Variants in TRIM50 observed in about 807,000 individuals in gnomAD.
TRIM50 encodes the protein E3 ubiquitin-protein ligase TRIM50.
In TRIM50, 34 loss-of-function variants were observed where a neutral mutation model predicts 44.9. That is an observed-to-expected ratio of 0.76 (90% CI 0.58 to 1.01). TRIM50 has a LOEUF of 1.01. TRIM50 is among the 50% of genes least tolerant of loss of function. The pLI is 0.00. For missense variants in TRIM50, 633 were observed against 663.7 expected, an observed-to-expected ratio of 0.95 and a Z score of 0.51; for synonymous variants, 307 against 291.1, an observed-to-expected ratio of 1.05 and a Z score of -0.56.
In TRIM50 at chr7:73,324,701, C is replaced by A; in HGVS notation, c.87G>T (p.Leu29=). The A allele has an allele frequency of 1.9e-6, 3 of 1,614,236 alleles. No individual in the cohort carries two copies. Among genetic ancestry groups the A allele is most frequent in the Non-Finnish European group, 2.5e-6 (3 of 1,180,038 alleles). The stretch of plus-strand genomic sequence containing the variant: ...CCTTGCAGTAAGAGTGGCCACACTG[C>A]AGCATCAGGGGCTCCTTGAAGACCT... ...CLEVFKEPLM[L]QCGHSYCKGC... Residue 29 remains leucine, a synonymous_variant, in exon 2 of 7, where the codon CTG becomes CTT. Transcript: ENST00000333149.
At position 73,313,090 on chromosome 7, in the gene TRIM50, C is replaced by A. The variant is rs782003188; in HGVS notation, c.1295G>T (p.Arg432Leu). The A allele has an allele frequency of 6.3e-7, 1 of 1,591,708 alleles. No individual in the cohort carries two copies. Among genetic ancestry groups the A allele is most frequent in the Non-Finnish European group, 8.5e-7 (1 of 1,169,764 alleles). The change falls in exon 7 of 7, where the codon CGC becomes CTC. Residue 432 changes from arginine to leucine, a missense_variant. By Grantham distance (102) the Arg-to-Leu change is moderately radical. Coordinates refer to ENST00000333149, the MANE Select transcript of TRIM50 (RefSeq NM_178125.3). This position sits in a 1 kb window ranked among gnomAD's most constrained non-coding sequence, Gnocchi z 4.9. ...GTAGAGCGGCCGCAGGTCATCGGGG[C>A]GGTCGGCATCGAAGAAGGTGAGTTC... is the stretch of plus-strand genomic sequence containing the variant. ...QGELTFFDAD[R>L]PDDLRPLYTF...
chr7:73,326,420 T>A (rs1329432392), intron 1 of TRIM50, among the ~76,000 whole-genome samples: 5 of 147,758 alleles, frequency 3.4e-5, no homozygotes, highest in Non-Finnish European at 7.5e-5. Flanking sequence ...TTTTTTTTTT[T>A]AAGATATTCA....
At position 73,327,882 on chromosome 7, in the gene TRIM50, C is replaced by T. The variant is rs191276602; in HGVS notation, c.-19+18G>A. 5.3e-4 allele frequency: 207 copies of T among 388,518 alleles called. No homozygotes were observed. Among genetic ancestry groups the T allele is most frequent in the African/African-American group, 3.0e-3 (145 of 48,704 alleles). The allele number at this position is 388,518 out of a possible 1,614,324, so 24.1% of individuals were successfully genotyped here. A position where few individuals can be genotyped will look rare whatever the true frequency, so the allele number is the denominator to read the frequency against. On this transcript the variant is annotated intron_variant, in intron 1 of 6. Transcript: ENST00000333149. Reference sequence around the variant, plus strand: ...TCGTTAGGTGCCCCATCATTTCCCGCTCGCTCTCGTTACGTACCCAGCCTC... The same window carrying T: ...TCGTTAGGTGCCCCATCATTTCCCGTTCGCTCTCGTTACGTACCCAGCCTC...
At position 73,313,411 on chromosome 7, in the gene TRIM50, C is replaced by T. The variant is rs1554543551; in HGVS notation, c.974G>A (p.Arg325Gln). The T allele has an allele frequency of 1.3e-6, 2 of 1,574,544 alleles. No individual in the cohort carries two copies. The highest frequency in any genetic ancestry group is 2.3e-5 in the East Asian group (1 of 43,002). The change falls in exon 7 of 7, where the codon CGA (arginine) becomes CAA (glutamine). Residue 325 changes from arginine to glutamine, a missense_variant. By Grantham distance (43) the Arg-to-Gln change is conservative. Transcript: ENST00000333149. This position sits in a 1 kb window ranked among gnomAD's most constrained non-coding sequence, Gnocchi z 4.9. ...VVQCGLLAQR[R>Q]ASQPERFDYS... ...GTCGAAGCGCTCAGGCTGGCTGGCT[C>T]GCCGCTGGGCCAGAAGCCCGCACTG...
At chr7:73,326,721 TG>T (rs1435527240) in intron 1 of TRIM50, among the ~76,000 whole-genome samples, 8 of 152,260 alleles carry the variant, frequency 5.3e-5, no homozygotes, top group African/African-American at 1.4e-4. Context: ...TCAATAATAT[TG>T]AATTGTGAGT....
chr7:73,324,563 G>A lies in TRIM50; in HGVS notation c.225C>T (p.Ile75=), dbSNP rs61741334. 38 of 1,614,134 alleles carry A rather than the reference G, an allele frequency of 2.4e-5. No homozygotes were observed. In the African/African-American group the frequency reaches 4.1e-4, roughly 18 times the overall value. Residue 75 remains isoleucine (I), a synonymous_variant, in exon 2 of 7, where the codon ATC becomes ATT. Transcript: ENST00000333149. ...GGTCCCCAGGGAGCCTCAGGGCTTC[G>A]ATCACCCTGGCCAGGGAGACGTTGG... is the stretch of plus-strand genomic sequence containing the variant. The part of the protein sequence containing the change: ...SLPNVSLARV[I]EALRLPGDPE...
chr7:73,316,702 G>A lies in TRIM50; in HGVS notation c.750-13C>T. 1 of 1,613,256 alleles carries A rather than the reference G, an allele frequency of 6.2e-7. No homozygotes were observed. The stretch of plus-strand genomic sequence containing the variant: ...CGGCATCTCTGCTCTGCAGGTGACA[G>A]TTCACAGTACAAGAGAGTGAGGTAT... On this transcript the variant is annotated splice_polypyrimidine_tract_variant and intron_variant, in intron 5 of 6. Coordinates refer to ENST00000333149, the MANE Select transcript of TRIM50 (RefSeq NM_178125.3).
At chr7:73,314,202 A>G in intron 6 of TRIM50, 1 of 366,924 alleles carries the variant, frequency 2.7e-6, no homozygotes, top group South Asian at 2.8e-5. Flanking sequence ...ATCCCGTTTG[A>G]GAAAAGGCCT....
At chr7:73,321,856 G>A (rs1252942329) in intron 2 of TRIM50, 4 of 152,206 alleles carry the variant, frequency 2.6e-5, no homozygotes, top group African/African-American at 7.2e-5. Context: ...ACATTCCAAT[G>A]TCACTCTCCC....
intron 2 of TRIM50, among the ~76,000 whole-genome samples, chr7:73,321,449 C>T (rs1554545017): frequency 6.6e-6 from 1 of 152,184 alleles, no homozygotes; most frequent in African/African-American, 2.4e-5. Context: ...CAGTGGTGCT[C>T]ACACGGGCCT....
At position 73,324,415 on chromosome 7, in the gene TRIM50, C is replaced by A. The variant is rs782694300; in HGVS notation, c.373G>T (p.Val125Phe). ...TTCATGCGGCTGTAGACGGTGGAGA[C>A]GGGCGTGACCGGGTGGTGTTGGTGG... ...GSHQHHPVTP[V>F]STVYSRMKEE... The change falls in exon 2 of 7, where the codon GTC becomes TTC. Residue 125 changes from valine to phenylalanine, a missense_variant. By Grantham distance (50) the Val-to-Phe change is conservative. Coordinates refer to ENST00000333149, the MANE Select transcript of TRIM50 (RefSeq NM_178125.3). The A allele has an allele frequency of 5.0e-6, 8 of 1,613,624 alleles. No homozygotes were observed. The highest frequency in any genetic ancestry group is 1.3e-5 in the African/African-American group (1 of 74,898).
chr7:73,317,657 C>G (rs1298835234), intron 5 of TRIM50, among the ~76,000 whole-genome samples: 1 of 152,154 alleles, frequency 6.6e-6, no homozygotes, highest in Non-Finnish European at 1.5e-5. Context: ...CATGCCCAGC[C>G]TCTGTCCCTT....
intron 2 of TRIM50, among the ~76,000 whole-genome samples, chr7:73,323,571 C>A (rs150237749): frequency 6.6e-6 from 1 of 152,334 alleles, no homozygotes; most frequent in African/African-American, 2.4e-5. Context: ...TATTACTCGT[C>A]TTAAAGAATG....
chr7:73,319,172 G>T, intron 3 of TRIM50, 120 bp from the exon 4 acceptor site: 1 of 1,524,226 alleles, frequency 6.6e-7, no homozygotes, highest in Non-Finnish European at 8.9e-7. Context: ...GAGTCTCAGG[G>T]GAGGCTGCAT....
At chr7:73,316,528 G>T in intron 6 of TRIM50, 37 bp downstream of exon 6, 1 of 1,611,868 alleles carries the variant, frequency 6.2e-7, no homozygotes, top group South Asian at 1.1e-5. Context: ...TGCCCTGGGC[G>T]GCAGCCCTCA....
At position 73,324,493 on chromosome 7, in the gene TRIM50, A is replaced by G. The variant is rs146081594; in HGVS notation, c.295T>C (p.Phe99Leu). 6 of 1,613,794 alleles carry G rather than the reference A, an allele frequency of 3.7e-6. No individual in the cohort carries two copies. Among genetic ancestry groups the G allele is most frequent in the Non-Finnish European group, 5.1e-6 (6 of 1,180,012 alleles). Reference sequence around the variant, plus strand: ...ATGAGCTCCTGGTCCTTCTCGCAGAAAAGGCTGAGCGGGTTCCGGTGGTGC... The same window carrying G: ...ATGAGCTCCTGGTCCTTCTCGCAGAGAAGGCTGAGCGGGTTCCGGTGGTGC... The part of the protein sequence containing the change: ...CVHHRNPLSL[F>L]CEKDQELICG... The change falls in exon 2 of 7, where the codon TTC becomes CTC. Residue 99 changes from phenylalanine (F) to leucine (L), a missense_variant. Phe to Leu is a conservative substitution (Grantham distance 22). Transcript: ENST00000333149.
At position 73,312,553 on chromosome 7, in the gene TRIM50, A is replaced by G. The variant is rs1255028781; in HGVS notation, c.*368T>C. On this transcript the variant is annotated 3_prime_UTR_variant, in exon 7 of 7. Transcript: ENST00000333149. ...GCAAATCATTTAAAGAGAAAGAAAT[A>G]ATGTCAAATTTATTATCCTTGATAG... The G allele has an allele frequency of 2.7e-5, 6 of 221,270 alleles. No homozygotes were observed. Among genetic ancestry groups the G allele is most frequent in the African/African-American group, 1.4e-4 (6 of 43,904 alleles). The allele number at this position is 221,270 out of a possible 1,614,324, so 13.7% of individuals were successfully genotyped here.
chr7:73,318,972 G>T lies in TRIM50; in HGVS notation c.576C>A (p.Arg192=). ...TGTGACCCCCTATCCCCTCCAGGCA[G>T]CGGGCCTTCTCCTCATCCACCAGGT... ...LHHLVDEEKA[R]CLEGIGGHTR... The change falls in exon 4 of 7, where the codon CGC becomes CGA. Residue 192 remains arginine (R), a synonymous_variant. Coordinates refer to ENST00000333149, the MANE Select transcript of TRIM50 (RefSeq NM_178125.3). 1 of 1,614,024 alleles carries T rather than the reference G, an allele frequency of 6.2e-7. No homozygotes were observed. The highest frequency in any genetic ancestry group is 1.1e-5 in the South Asian group (1 of 91,082).
rs574887144 is a variant in TRIM50, at chr7:73,312,877, C to T, written c.*44G>A. ...AGCAGAAGCCCGCGAGTCCCCGGTG[C>T]CCCGCCGGGATGGGCCTGTGGGCCG... On this transcript the variant is annotated 3_prime_UTR_variant, in exon 7 of 7. Coordinates refer to ENST00000333149, the MANE Select transcript of TRIM50 (RefSeq NM_178125.3). 1.8e-4 allele frequency: 256 copies of T among 1,433,486 alleles called. No individual in the cohort carries two copies. The African/African-American group carries it at 3.3e-3, about 19-fold the overall frequency. The allele number at this position is 1,433,486 out of a possible 1,614,324, so 88.8% of individuals were successfully genotyped here. A position where few individuals can be genotyped will look rare whatever the true frequency, so the allele number is the denominator to read the frequency against.
Sources: allele counts gnomAD v4.1 joint callset (sites outside exome capture counted in the v4.1 genomes callset), GRCh38; gene constraint gnomAD v4.1.1; non-coding constraint Gnocchi (gnomAD v3.1); transcripts MANE v1.5; gene names NCBI Gene and HGNC (gene_info 2026-07-23, HGNC 2026-07-21).